The following GSAP variants were observed in gnomAD, a reference collection of about 807,000 sequenced individuals.
GSAP encodes the protein gamma-secretase activating protein.
Under a neutral mutation model 131.7 loss-of-function variants are expected in GSAP, and 118 were observed. The observed-to-expected ratio is 0.90, with a 90% CI of 0.77 to 1.04. The LOEUF is 1.04. Among genes scored for constraint, GSAP ranks in the 50% least tolerant of loss-of-function variants. The probability of loss-of-function intolerance (pLI) is 0.00; values close to 1 mark genes in which losing one functional copy is unlikely to be tolerated. For missense variants in GSAP, 1,019 were observed against 1,013.2 expected (o/e 1.01, Z -0.08); for synonymous variants, 381 against 363.4 (o/e 1.05, Z -0.55).
At chr7:77,341,200 A>C (rs1392290191) in intron 19 of GSAP, among the ~76,000 whole-genome samples, 1 of 151,952 alleles carries the variant, frequency 6.6e-6, no homozygotes, top group African/African-American at 2.4e-5. Context: ...GTCCCTCCCT[A>C]GTCTCTGCTC....
chr7:77,369,756 G>A (rs1382335092), intron 12 of GSAP, among the ~76,000 whole-genome samples: 1 of 151,866 alleles, frequency 6.6e-6, no homozygotes, highest in African/African-American at 2.4e-5. Context: ...TATTTTGCTG[G>A]AATAGATTTT....
intron 13 of GSAP, 104 bp from the exon 14 acceptor site, chr7:77,361,005 T>C (rs1794456134): frequency 5.8e-6 from 4 of 692,236 alleles, no homozygotes; most frequent in East Asian, 2.6e-5. Flanking sequence ...ACCATGAAAC[T>C]GGTAAGCAGG....
chr7:77,359,616 G>A (rs1682947644), intron 14 of GSAP, among the ~76,000 whole-genome samples: 1 of 152,084 alleles, frequency 6.6e-6, no homozygotes, highest in South Asian at 2.1e-4. Flanking sequence ...CTATGATTTT[G>A]TGCCTATAAA....
chr7:77,313,763 G>C (rs945645855), intron 27 of GSAP, among the ~76,000 whole-genome samples: 3 of 152,160 alleles, frequency 2.0e-5, no homozygotes, highest in African/African-American at 4.8e-5. Context: ...CAATTTTATT[G>C]ACTAACTTAA....
At chr7:77,375,530 T>C (rs977307610) in intron 10 of GSAP, among the ~76,000 whole-genome samples, 3 of 152,130 alleles carry the variant, frequency 2.0e-5, no homozygotes, top group Non-Finnish European at 4.4e-5. Flanking sequence ...CAATCTGTAT[T>C]AGATAGCAAC....
intron 5 of GSAP, 59 bp from the exon 6 acceptor site, chr7:77,387,507 CA>C: frequency 2.2e-6 from 2 of 914,974 alleles, no homozygotes; most frequent in South Asian, 2.7e-5. Context: ...TTATTTTTTC[CA>C]AAGCAAGGAG....
In GSAP at chr7:77,326,242, T is replaced by C; in HGVS notation, c.1797A>G (p.Glu599=). ...CCATGAGCAGCCGCTGGTGGCTGTC[T>C]TCCTCCTGCAGGAGGGGTGTTAATC... The part of the protein sequence containing the change: ...GPRLTPLLQE[E]DSHQRLLMGL... The change falls in exon 23 of 31, where the codon GAA becomes GAG. Residue 599 remains glutamate (E), a synonymous_variant. Transcript: ENST00000257626. 6.2e-7 allele frequency: 1 copy of C among 1,613,280 alleles called. No individual in the cohort carries two copies. The highest frequency in any genetic ancestry group is 8.5e-7 in the Non-Finnish European group (1 of 1,179,508).
intron 5 of GSAP, among the ~76,000 whole-genome samples, chr7:77,388,100 T>C (rs1276961446): frequency 6.6e-6 from 1 of 152,240 alleles, no homozygotes; most frequent in Non-Finnish European, 1.5e-5. Flanking sequence ...TTCTTAAAGT[T>C]TGACTTTAAA....
At chr7:77,391,556 G>A (rs1019107088) in intron 5 of GSAP, among the ~76,000 whole-genome samples, 1 of 152,188 alleles carries the variant, frequency 6.6e-6, no homozygotes, top group Non-Finnish European at 1.5e-5. Context: ...AGGGCAAGGT[G>A]CTCACGCCTG....
chr7:77,344,305 T>C (rs1791471619), intron 19 of GSAP, among the ~76,000 whole-genome samples: 1 of 152,176 alleles, frequency 6.6e-6, no homozygotes, highest in Non-Finnish European at 1.5e-5. Context: ...AATGGACTAA[T>C]GGTCTTATAA....
rs1793567039 is a variant in GSAP, at chr7:77,355,613, G to A, written c.1062C>T (p.Phe354=). The A allele has an allele frequency of 6.2e-7, 1 of 1,605,690 alleles. No homozygotes were observed. Among genetic ancestry groups the A allele is most frequent in the African/African-American group, 1.3e-5 (1 of 74,762 alleles). ...GATGTTGAACATTAAGTAGGTGGAA[G>A]AAATGACCAGGTAAGTAAACAGCCA... ...YYVAVYLPGH[F]FHLLNVQHPD... The change falls in exon 15 of 31, where the codon TTC becomes TTT. Residue 354 remains phenylalanine, a synonymous_variant. Coordinates refer to ENST00000257626, the MANE Select transcript of GSAP (RefSeq NM_017439.4).
intron 18 of GSAP, 55 bp from the exon 19 acceptor site, chr7:77,349,459 G>C (rs975112095): frequency 5.8e-5 from 85 of 1,466,878 alleles, no homozygotes; most frequent in Middle Eastern, 1.7e-4. Flanking sequence ...ACTACCACTA[G>C]CTCAAGCTTT....
rs760225648 is a variant in GSAP, at chr7:77,375,910, T to C, written c.742-809A>G. On this transcript the variant is annotated intron_variant, in intron 10 of 30. Coordinates refer to ENST00000257626, the MANE Select transcript of GSAP (RefSeq NM_017439.4). ...TTCATCACAAAGATATTAAGAACACTTCACCACAATTCTAATTTTTTTTAA... is the reference window on the plus strand; with the variant it reads ...TTCATCACAAAGATATTAAGAACACCTCACCACAATTCTAATTTTTTTTAA... Among the ~76,000 whole-genome samples, 7 of 152,072 alleles carry C rather than the reference T, an allele frequency of 4.6e-5. No individual in the cohort carries two copies. The Middle Eastern group carries it at 0.01, about 222-fold the overall frequency.
chr7:77,415,421 T>G (rs1375302848), intron 1 of GSAP: 1 of 152,260 alleles, frequency 6.6e-6, no homozygotes, highest in African/African-American at 2.4e-5. Context: ...AGAAGACTTT[T>G]AAAACTTTGT....
intron 7 of GSAP, among the ~76,000 whole-genome samples, chr7:77,382,301 TACAA>T (rs765299325): frequency 1.2e-4 from 19 of 152,104 alleles, no homozygotes; most frequent in Non-Finnish European, 1.6e-4. Flanking sequence ...TGCAACTTTC[TACAA>T]ACATTCTACC....
chr7:77,344,832 C>T (rs1021975883), intron 19 of GSAP, among the ~76,000 whole-genome samples: 2 of 152,204 alleles, frequency 1.3e-5, no homozygotes, highest in African/African-American at 2.4e-5. Context: ...CTGCCAATCT[C>T]ACTCTCACCT....
chr7:77,383,724 C>A (rs550018546), intron 6 of GSAP, among the ~76,000 whole-genome samples: 1 of 152,258 alleles, frequency 6.6e-6, no homozygotes, highest in Non-Finnish European at 1.5e-5. Flanking sequence ...CAATTGTAAA[C>A]CAGCCATTTC....
At position 77,406,124 on chromosome 7, in the gene GSAP, G is replaced by T; in HGVS notation, c.110-19C>A. 8.2e-7 allele frequency: 1 copy of T among 1,222,876 alleles called. No individual in the cohort carries two copies. The highest frequency in any genetic ancestry group is 1.1e-6 in the Non-Finnish European group (1 of 947,452). 75.8% of individuals were successfully genotyped at this position (1,222,876 alleles called of 1,614,324 possible). ...AAAACATCTGAAATGATAATAGGAG[G>T]TTAATACTCAGCAGAAGATGGTTAA... On this transcript the variant is annotated intron_variant, in intron 1 of 30. Coordinates refer to ENST00000257626, the MANE Select transcript of GSAP (RefSeq NM_017439.4).
Position 77,374,081 on chromosome 7 carries a change from G to A in GSAP, c.860C>T (p.Thr287Ile). 1.3e-6 allele frequency: 2 copies of A among 1,557,088 alleles called. No individual in the cohort carries two copies. Among genetic ancestry groups the A allele is most frequent in the Admixed American group, 1.7e-5 (1 of 57,576 alleles). ...FSKHLTLCVF[T>I]NHTGSLCVCY... ...CAACCCTAGTTTACCTGTATGGTTG[G>A]TAAAAACACACAGAGTCAGGTGTTT... The change falls in exon 12 of 31, where the codon ACC becomes ATC. Residue 287 changes from threonine (T) to isoleucine (I), a missense_variant. Thr to Ile is a moderately conservative substitution (Grantham distance 89). Transcript: ENST00000257626.
Sources: gnomAD v4.1 joint callset for allele counts (sites outside exome capture counted in the v4.1 genomes callset) on GRCh38, gnomAD v4.1.1 for gene constraint, MANE v1.5 for transcripts, NCBI Gene and HGNC (gene_info 2026-07-23, HGNC 2026-07-21) for gene names.